LPP: variants seen among roughly 807,000 people sequenced by gnomAD.
The protein encoded by LPP is lipoma-preferred partner.
LPP carries 38 observed loss-of-function variants against 60.4 expected under a neutral mutation model. The observed-to-expected ratio is 0.63, with a 90% CI of 0.49 to 0.83. The LOEUF (loss-of-function observed/expected upper bound fraction) is 0.83, where lower values mean the gene tolerates loss of function less well. Ranked by LOEUF, LPP falls within the 40% of genes least tolerant of loss-of-function variation. The probability of loss-of-function intolerance (pLI) is 0.00; values close to 1 mark genes in which losing one functional copy is unlikely to be tolerated. For missense variants in LPP, 902 were observed against 783.6 expected, an observed-to-expected ratio of 1.15 and a Z score of -1.80; for synonymous variants, 328 against 290.8, an observed-to-expected ratio of 1.13 and a Z score of -1.30.
chr3:188,438,906 T>G (rs1198068404), intron 4 of LPP, among the ~76,000 whole-genome samples: 2 of 152,172 alleles, frequency 1.3e-5, no homozygotes. Flanking sequence ...CAAGGAATAA[T>G]GGCTAAATGA....
At chr3:188,321,756 C>T (rs949384779) in intron 2 of LPP, among the ~76,000 whole-genome samples, 9 of 152,026 alleles carry the variant, frequency 5.9e-5, no homozygotes, top group African/African-American at 2.2e-4. Flanking sequence ...ATCCTTTTTC[C>T]CCCAAAACCA....
intron 4 of LPP, among the ~76,000 whole-genome samples, chr3:188,410,206 A>C (rs1416434388): frequency 1.3e-5 from 2 of 152,230 alleles, no homozygotes; most frequent in Non-Finnish European, 2.9e-5. Flanking sequence ...GATAAAGCAC[A>C]GTAATATAAA....
rs181589111 is a variant in LPP at position 188,509,137 on chromosome 3, C to A, written c.307-15528C>A. Among the ~76,000 whole-genome samples the A allele has an allele frequency of 7.2e-5, 11 of 152,262 alleles. No homozygotes were observed. The East Asian group carries it at 2.1e-3, about 29-fold the overall frequency. On this transcript the variant is annotated intron_variant, in intron 5 of 11. Transcript: ENST00000617246. ...ACCAAAATCTAGCTTCACCTGAGAC[C>A]AAGGGCTTTTTATTTAATAGCTGCA...
At chr3:188,355,658 T>G (rs954907721) in intron 3 of LPP, among the ~76,000 whole-genome samples, 4 of 152,332 alleles carry the variant, frequency 2.6e-5, no homozygotes, top group Admixed American at 2.0e-4. Context: ...ATATGATCTG[T>G]TCCTTGTCAC....
chr3:188,865,942 C>T (rs1766470970), intron 9 of LPP, among the ~76,000 whole-genome samples: 1 of 152,212 alleles, frequency 6.6e-6, no homozygotes, highest in African/African-American at 2.4e-5. Flanking sequence ...AGAAAAGCCA[C>T]TTGACCCATC....
chr3:188,611,608 C>T (rs570789231), intron 7 of LPP, among the ~76,000 whole-genome samples: 7 of 152,112 alleles, frequency 4.6e-5, no homozygotes, highest in African/African-American at 1.7e-4. Context: ...ACAATTTAGC[C>T]CTGCCCAAAA....
intron 1 of LPP, chr3:188,208,156 T>C (rs1178199657): frequency 6.6e-6 from 1 of 152,236 alleles, no homozygotes; most frequent in Non-Finnish European, 1.5e-5. Context: ...CTGGCGAAGA[T>C]CCGGCCCCTC....
intron 5 of LPP, among the ~76,000 whole-genome samples, chr3:188,517,062 C>T (rs1211942453): frequency 1.3e-5 from 2 of 152,096 alleles, no homozygotes; most frequent in African/African-American, 4.8e-5. Context: ...TATTTTGAGA[C>T]TATTGTCAAA....
chr3:188,253,645 A>G (rs1207946428), intron 2 of LPP, among the ~76,000 whole-genome samples: 1 of 152,162 alleles, frequency 6.6e-6, no homozygotes, highest in Non-Finnish European at 1.5e-5. Flanking sequence ...ACCCAATAAG[A>G]ACATACATAT....
rs1220833853 is a variant in LPP at position 188,875,804 on chromosome 3, C to T, written c.*1325C>T. The stretch of plus-strand genomic sequence containing the variant: ...AGCCAGTGAAACACTTGCTTGCCAA[C>T]TGCCAAGCCATACTTATTAAGTTCG... On this transcript the variant is annotated 3_prime_UTR_variant, in exon 12 of 12. Coordinates refer to ENST00000617246, the MANE Select transcript of LPP (RefSeq NM_001375462.1). 2 of 196,388 alleles carry T rather than the reference C, an allele frequency of 1.0e-5. No homozygotes were observed. The highest frequency in any genetic ancestry group is 1.9e-4 in the South Asian group (1 of 5,238). 12.2% of individuals were successfully genotyped at this position (196,388 alleles called of 1,614,324 possible).
At chr3:188,326,547 CTT>C (rs1404682178) in intron 2 of LPP, among the ~76,000 whole-genome samples, 4 of 152,260 alleles carry the variant, frequency 2.6e-5, no homozygotes, top group Non-Finnish European at 4.4e-5. Context: ...GGAAGTATAA[CTT>C]AACGTTATTC....
chr3:188,508,871 G>A (rs1320896028), intron 5 of LPP, among the ~76,000 whole-genome samples: 2 of 152,290 alleles, frequency 1.3e-5, no homozygotes, highest in African/African-American at 2.4e-5. Context: ...TTAGCAACTG[G>A]CAACCAAATT....
intron 7 of LPP, among the ~76,000 whole-genome samples, chr3:188,615,674 C>T (rs1178221457): frequency 1.3e-5 from 2 of 152,156 alleles, no homozygotes; most frequent in African/African-American, 4.8e-5. Flanking sequence ...GGTGCATTTT[C>T]CTTTAAGGAT....
At chr3:188,309,900 T>G (rs1752837767) in intron 2 of LPP, among the ~76,000 whole-genome samples, 1 of 152,032 alleles carries the variant, frequency 6.6e-6, no homozygotes, top group Non-Finnish European at 1.5e-5. Context: ...CTGAGTGAAA[T>G]GTGAAACTTC....
At chr3:188,409,279 T>C (rs1484829423) in intron 4 of LPP, among the ~76,000 whole-genome samples, 1 of 152,196 alleles carries the variant, frequency 6.6e-6, no homozygotes, top group Admixed American at 6.6e-5. Context: ...TAATAACCTT[T>C]ACCTTTTCTG....
At chr3:188,796,594 C>T (rs1448131634) in intron 9 of LPP, among the ~76,000 whole-genome samples, 1 of 152,052 alleles carries the variant, frequency 6.6e-6, no homozygotes, top group Non-Finnish European at 1.5e-5. Flanking sequence ...CTCATCGTTT[C>T]CCAGAGCTGA....
intron 4 of LPP, among the ~76,000 whole-genome samples, chr3:188,479,624 G>T (rs1252087569): frequency 6.6e-6 from 1 of 152,208 alleles, no homozygotes; most frequent in Non-Finnish European, 1.5e-5. Flanking sequence ...ATCATGAGTG[G>T]ACTCTACTTG....
At chr3:188,665,934 C>G (rs1414251859) in intron 7 of LPP, among the ~76,000 whole-genome samples, 1 of 152,170 alleles carries the variant, frequency 6.6e-6, no homozygotes, top group Non-Finnish European at 1.5e-5. Flanking sequence ...TTAGCCTGTG[C>G]TTTATCTGGC....
chr3:188,843,703 C>T (rs1039796387), intron 9 of LPP, among the ~76,000 whole-genome samples: 1 of 147,272 alleles, frequency 6.8e-6, no homozygotes, highest in Non-Finnish European at 1.5e-5. Context: ...AGGAGAATGG[C>T]GTGAACCCGG....
Sources: allele counts gnomAD v4.1 joint callset (sites outside exome capture counted in the v4.1 genomes callset), GRCh38; gene constraint gnomAD v4.1.1; transcripts MANE v1.5; gene names NCBI Gene and HGNC (gene_info 2026-07-23, HGNC 2026-07-21).